GABRA4: variants seen among roughly 807,000 people sequenced by gnomAD.
GABRA4 encodes gamma-aminobutyric acid type A receptor subunit alpha4, also known as gamma-aminobutyric acid receptor subunit alpha-4.
A neutral mutation model predicts 49.7 loss-of-function variants in GABRA4; 12 were observed. That is an observed-to-expected ratio of 0.24 (90% CI 0.15 to 0.39). GABRA4 has a LOEUF of 0.39. GABRA4 is among the 10% of genes least tolerant of loss of function. GABRA4 has a pLI of 1.00. For synonymous variants in GABRA4, 288 were observed against 240.2 expected (o/e 1.20, Z -1.84); for missense variants, 506 against 686.0 (o/e 0.74, Z 2.93).
At chr4:46,981,735 C>T (rs1723363857) in intron 2 of GABRA4, among the ~76,000 whole-genome samples, 1 of 152,022 alleles carries the variant, frequency 6.6e-6, no homozygotes, top group Non-Finnish European at 1.5e-5. Context: ...GCTATCATTT[C>T]TAAGAGGAAA....
intron 8 of GABRA4, among the ~76,000 whole-genome samples, chr4:46,954,162 A>G (rs1197286708): frequency 1.4e-5 from 2 of 146,968 alleles, no homozygotes; most frequent in African/African-American, 2.5e-5. Context: ...AGAGGTGAGT[A>G]TAAAATAACC....
At chr4:46,971,422 T>C (rs993256396) in intron 6 of GABRA4, among the ~76,000 whole-genome samples, 187 bp from the exon 7 acceptor site, 4 of 151,682 alleles carry the variant, frequency 2.6e-5, no homozygotes, top group South Asian at 2.1e-4. Flanking sequence ...AACGTTATTA[T>C]ACAGAAAAAC....
At chr4:46,991,071 A>G (rs1014709581) in intron 2 of GABRA4, among the ~76,000 whole-genome samples, 2 of 152,110 alleles carry the variant, frequency 1.3e-5, no homozygotes, top group Admixed American at 6.6e-5. Context: ...CTGTAATCCC[A>G]GCTACTCTGG....
At chr4:46,966,364 G>A (rs1577777569) in intron 7 of GABRA4, among the ~76,000 whole-genome samples, 1 of 151,700 alleles carries the variant, frequency 6.6e-6, no homozygotes, top group Non-Finnish European at 1.5e-5. Flanking sequence ...ATCCCCAGCT[G>A]AAAGGCAAAT....
intron 8 of GABRA4, among the ~76,000 whole-genome samples, chr4:46,957,185 C>T (rs534999260): frequency 4.0e-5 from 6 of 151,488 alleles, no homozygotes; most frequent in Non-Finnish European, 7.4e-5. Context: ...TTTAAGGATC[C>T]GAATACTTAA....
intron 3 of GABRA4, among the ~76,000 whole-genome samples, chr4:46,977,843 C>A (rs1723200807): frequency 1.3e-5 from 2 of 151,978 alleles, no homozygotes; most frequent in South Asian, 4.1e-4. Flanking sequence ...TCATCTTCTA[C>A]ATTCATAAGA....
At chr4:46,937,078 G>A (rs1024647394) in intron 8 of GABRA4, among the ~76,000 whole-genome samples, 1 of 152,180 alleles carries the variant, frequency 6.6e-6, no homozygotes, top group Non-Finnish European at 1.5e-5. Flanking sequence ...GGTGGTTAAG[G>A]TTCAGTGAAG....
In GABRA4 at chr4:46,931,460, T is replaced by C. The variant is rs569600455; in HGVS notation, c.1135-2705A>G. Among the ~76,000 whole-genome samples the C allele has an allele frequency of 1.8e-4, 28 of 152,262 alleles. 1 individual carries two copies. Among genetic ancestry groups the C allele is most frequent in the African/African-American group, 6.0e-4 (25 of 41,558 alleles). On this transcript the variant is annotated intron_variant, in intron 8 of 8. Transcript: ENST00000264318. ...CTTTCGTTCTAGACCAGTATGCTTC[T>C]GGAATGTCCTGAAATCTTGTGAATT...
chr4:46,938,772 G>A (rs1194305328), intron 8 of GABRA4, among the ~76,000 whole-genome samples: 1 of 151,986 alleles, frequency 6.6e-6, no homozygotes, highest in African/African-American at 2.4e-5. Flanking sequence ...GGTACTAGAA[G>A]ATCCACAATT....
intron 2 of GABRA4, among the ~76,000 whole-genome samples, chr4:46,980,161 A>C (rs926604227): frequency 1.3e-5 from 2 of 152,252 alleles, no homozygotes; most frequent in Non-Finnish European, 1.5e-5. Flanking sequence ...TAATGTGCTC[A>C]ATAATGACAG....
At chr4:46,982,351 AC>A (rs1723384479) in intron 2 of GABRA4, among the ~76,000 whole-genome samples, 2 of 151,984 alleles carry the variant, frequency 1.3e-5, no homozygotes, top group African/African-American at 4.8e-5. Flanking sequence ...TATCACTGTG[AC>A]CATATCAGAA....
At chr4:46,961,415 A>T (rs1722568830) in intron 8 of GABRA4, among the ~76,000 whole-genome samples, 1 of 151,720 alleles carries the variant, frequency 6.6e-6, no homozygotes, top group Non-Finnish European at 1.5e-5. Context: ...TATCTAACAC[A>T]TCACCTGTTT....
At position 46,926,270 on chromosome 4, in the gene GABRA4, A is replaced by G. The variant is rs1239346939; in HGVS notation, c.*1955T>C. On this transcript the variant is annotated 3_prime_UTR_variant, in exon 9 of 9. Coordinates refer to ENST00000264318, the MANE Select transcript of GABRA4 (RefSeq NM_000809.4). ...ATTCACATTCATGAAATAATTTATG[A>G]TAAGCTTTTTTGTACAAGTACTCTT... is the stretch of plus-strand genomic sequence containing the variant. 6.6e-6 allele frequency: 1 copy of G among 151,910 alleles called. No individual in the cohort carries two copies. Among genetic ancestry groups the G allele is most frequent in the African/African-American group, 2.4e-5 (1 of 41,422 alleles). 9.4% of individuals were successfully genotyped at this position (151,910 alleles called of 1,614,324 possible). A position where few individuals can be genotyped will look rare whatever the true frequency, so the allele number is the denominator to read the frequency against.
intron 4 of GABRA4, 126 bp from the exon 5 acceptor site, chr4:46,977,269 G>C (rs1027849211): frequency 8.4e-6 from 4 of 478,862 alleles, no homozygotes; most frequent in African/African-American, 6.8e-5. Context: ...AGGAAGGAAG[G>C]AAGGGAAGGA....
intron 2 of GABRA4, among the ~76,000 whole-genome samples, chr4:46,987,247 C>T (rs890866286): frequency 6.6e-6 from 1 of 152,098 alleles, no homozygotes; most frequent in Admixed American, 6.6e-5. Context: ...TACATGTTTG[C>T]ACTTAGAATT....
At chr4:46,947,589 G>T (rs540378020) in intron 8 of GABRA4, among the ~76,000 whole-genome samples, 30 of 150,886 alleles carry the variant, frequency 2.0e-4, no homozygotes, top group African/African-American at 6.8e-4. Flanking sequence ...AGGAAGGAAG[G>T]AAGTAAAACA....
intron 8 of GABRA4, among the ~76,000 whole-genome samples, chr4:46,960,857 C>T (rs1330985182): frequency 6.6e-6 from 1 of 151,454 alleles, no homozygotes; most frequent in East Asian, 1.9e-4. Flanking sequence ...AGATGGAATT[C>T]AAATACAATC....
chr4:46,980,110 GA>G (rs1723297444), intron 2 of GABRA4, among the ~76,000 whole-genome samples: 1 of 152,076 alleles, frequency 6.6e-6, no homozygotes, highest in African/African-American at 2.4e-5. Context: ...AGTATTAATT[GA>G]GATAATACTT....
intron 8 of GABRA4, among the ~76,000 whole-genome samples, chr4:46,939,996 C>G (rs1161020286): frequency 6.6e-6 from 1 of 151,910 alleles, no homozygotes; most frequent in Non-Finnish European, 1.5e-5. Flanking sequence ...TTGATTTATT[C>G]TACAGAAAAC....
Sources: gnomAD v4.1 joint callset for allele counts (sites outside exome capture counted in the v4.1 genomes callset) on GRCh38, gnomAD v4.1.1 for gene constraint, MANE v1.5 for transcripts, NCBI Gene and HGNC (gene_info 2026-07-23, HGNC 2026-07-21) for gene names.